IQSEC3: variants seen among roughly 807,000 people sequenced by gnomAD.
IQSEC3 encodes the protein IQ motif and Sec7 domain ArfGEF 3.
A neutral mutation model predicts 105.4 loss-of-function variants in IQSEC3; 50 were observed. That is an observed-to-expected ratio of 0.47 (90% CI 0.38 to 0.60). IQSEC3 has a LOEUF of 0.60. IQSEC3 is among the 20% of genes least tolerant of loss of function. The pLI is 0.00. For missense variants in IQSEC3, 1,415 were observed against 1,630.0 expected, an observed-to-expected ratio of 0.87 and a Z score of 2.27; for synonymous variants, 708 against 746.0, an observed-to-expected ratio of 0.95 and a Z score of 0.83.
rs2650215 is a variant in IQSEC3, at chr12:73,972, A to C, written c.554+6536A>C. Among the ~76,000 whole-genome samples, 723 of 152,306 alleles carry C rather than the reference A, an allele frequency of 4.7e-3. 2 individuals carry two copies. The highest frequency in any genetic ancestry group is 0.017 in the African/African-American group (686 of 41,508). On this transcript the variant is annotated intron_variant, in intron 1 of 13. Coordinates refer to ENST00000538872, the MANE Select transcript of IQSEC3 (RefSeq NM_001170738.2). The stretch of plus-strand genomic sequence containing the variant: ...AGCCCAACTAAAACCTCTTCTGTTG[A>C]ATTTTAAGATTATTTGCACTTCTCT...
chr12:95,204 A>G (rs374549322), intron 1 of IQSEC3, among the ~76,000 whole-genome samples: 5 of 152,354 alleles, frequency 3.3e-5, no homozygotes, highest in Admixed American at 1.3e-4. Context: ...GAACCACTGT[A>G]GGTAAATGAC....
chr12:151,868 C>G (rs4258434), intron 5 of IQSEC3, among the ~76,000 whole-genome samples: 27,765 of 152,012 alleles, frequency 0.18, 2,734 homozygotes, highest in African/African-American at 0.24. Flanking sequence ...TTCCTTTGGC[C>G]ACCTCCTACT....
rs782488416 is a variant in IQSEC3, at chr12:139,007, G to A, written c.1644G>A (p.Ala548=). ...CCCCCGCCGTGGGCCGGGAGGACGCGTCAGCCGAGGACTCATGCGCAGAGG... is the reference window on the plus strand; with the variant it reads ...CCCCCGCCGTGGGCCGGGAGGACGCATCAGCCGAGGACTCATGCGCAGAGG... ...PEAPAVGRED[A]SAEDSCAEAA... is the part of the protein sequence containing the mutation. Residue 548 remains alanine, a synonymous_variant, in exon 4 of 14, where the codon GCG becomes GCA. Transcript: ENST00000538872. 2.6e-6 allele frequency: 4 copies of A among 1,522,880 alleles called. No homozygotes were observed. Among genetic ancestry groups the A allele is most frequent in the Non-Finnish European group, 3.5e-6 (4 of 1,135,304 alleles). The allele number at this position is 1,522,880 out of a possible 1,614,324, so 94.3% of individuals were successfully genotyped here.
chr12:70,134 G>T (rs1182117231), intron 1 of IQSEC3, among the ~76,000 whole-genome samples: 3 of 152,272 alleles, frequency 2.0e-5, no homozygotes, highest in Non-Finnish European at 4.4e-5. Context: ...ACCCCACTGA[G>T]GTGGCTGAAG....
At chr12:119,852 G>A (rs1161154704) in intron 2 of IQSEC3, among the ~76,000 whole-genome samples, 1 of 152,166 alleles carries the variant, frequency 6.6e-6, no homozygotes, top group African/African-American at 2.4e-5. Flanking sequence ...AATCTTTGGT[G>A]GGGCTGATGG....
intron 2 of IQSEC3, among the ~76,000 whole-genome samples, chr12:118,196 C>T (rs1865109582): frequency 6.6e-6 from 1 of 152,194 alleles, no homozygotes; most frequent in Non-Finnish European, 1.5e-5. Flanking sequence ...CTCTCCACCA[C>T]CTTGGGCAGG....
rs879971337 is a variant in IQSEC3, at chr12:119,713, G to GTC, written c.624-5920_624-5919insTC. Among the ~76,000 whole-genome samples the GTC allele has an allele frequency of 7.0e-3, 1,070 of 152,290 alleles. 9 individuals carry two copies. Among genetic ancestry groups the GTC allele is most frequent in the East Asian group, 0.033 (169 of 5,180 alleles). On this transcript the variant is annotated intron_variant, in intron 2 of 13. Coordinates refer to ENST00000538872, the MANE Select transcript of IQSEC3 (RefSeq NM_001170738.2). The stretch of plus-strand genomic sequence containing the variant: ...CAGCAGCCTTGGCCAATCCCACGTG[G>GTC]CACATCAACCTCAGCCCATGTTGGG...
At chr12:171,209 G>C (rs1167285447) in intron 13 of IQSEC3, 48 bp downstream of exon 13, 1 of 1,613,926 alleles carries the variant, frequency 6.2e-7, no homozygotes, top group East Asian at 2.2e-5. Flanking sequence ...CTGCCCCCTT[G>C]TTCTTCTTCT....
chr12:119,949 C>T (rs1865165604), intron 2 of IQSEC3, among the ~76,000 whole-genome samples: 1 of 152,164 alleles, frequency 6.6e-6, no homozygotes, highest in Non-Finnish European at 1.5e-5. Context: ...TGGCACATCA[C>T]CAAGCCCAGC....
chr12:117,540 A>T (rs1865087423), intron 2 of IQSEC3, among the ~76,000 whole-genome samples: 1 of 152,052 alleles, frequency 6.6e-6, no homozygotes, highest in Admixed American at 6.5e-5. Context: ...ACATTCGCCC[A>T]TGGGGACAGT....
At chr12:114,287 A>G (rs982644033) in intron 2 of IQSEC3, among the ~76,000 whole-genome samples, 1 of 152,258 alleles carries the variant, frequency 6.6e-6, no homozygotes, top group African/African-American at 2.4e-5. Context: ...AGCCTCTGCT[A>G]TGGCAAGCAT....
At chr12:136,773 C>G (rs551454116) in intron 3 of IQSEC3, among the ~76,000 whole-genome samples, 134 of 151,708 alleles carry the variant, frequency 8.8e-4, no homozygotes, top group African/African-American at 2.5e-3. Context: ...GAGGGCTGAT[C>G]AGAGTCTAGG....
At chr12:116,769 C>T (rs551860865) in intron 2 of IQSEC3, among the ~76,000 whole-genome samples, 3 of 152,282 alleles carry the variant, frequency 2.0e-5, no homozygotes, top group Non-Finnish European at 2.9e-5. Context: ...GAGGCTCCCA[C>T]GAGGATGGCT....
At chr12:101,372 G>C (rs1864416445) in intron 2 of IQSEC3, among the ~76,000 whole-genome samples, 1 of 152,188 alleles carries the variant, frequency 6.6e-6, no homozygotes, top group Admixed American at 6.5e-5. Flanking sequence ...TATTTTCCAG[G>C]GTTTGAGGTG....
intron 13 of IQSEC3, among the ~76,000 whole-genome samples, chr12:173,949 G>A (rs1005235301): frequency 2.0e-5 from 3 of 152,242 alleles, no homozygotes; most frequent in Non-Finnish European, 4.4e-5. Context: ...AGCCAGGCAA[G>A]TTAACCAGGA....
chr12:77,178 T>G (rs1863565739), intron 1 of IQSEC3, among the ~76,000 whole-genome samples: 1 of 152,386 alleles, frequency 6.6e-6, no homozygotes, highest in South Asian at 2.1e-4. Context: ...TCCGACAGTC[T>G]TGATGCGACT....
rs1555099472 is a variant in IQSEC3, at chr12:169,067, C to G, written c.3026C>G (p.Ala1009Gly). 3.1e-6 allele frequency: 5 copies of G among 1,613,886 alleles called. No individual in the cohort carries two copies. The highest frequency in any genetic ancestry group is 4.2e-6 in the Non-Finnish European group (5 of 1,180,012). Residue 1009 changes from alanine (A) to glycine (G), a missense_variant, in exon 12 of 14, where the codon GCC becomes GGC. Ala to Gly is a moderately conservative substitution (Grantham distance 60, BLOSUM62 0). Transcript: ENST00000538872. The stretch of plus-strand genomic sequence containing the variant: ...ACACTCTCCTTCAAGCCCTGCGGAG[C>G]CCAGGGGGACCCACAGTCAAAGCAA... ...TKTLSFKPCG[A>G]QGDPQSKQGS...
intron 7 of IQSEC3, 75 bp downstream of exon 7, chr12:157,769 G>A: frequency 6.7e-7 from 1 of 1,491,644 alleles, no homozygotes; most frequent in Admixed American, 1.9e-5. Context: ...TGCATTCTGT[G>A]AGTCTGAGCC....
At chr12:171,272 G>C (rs190258470) in intron 13 of IQSEC3, 111 bp downstream of exon 13, 1 of 1,613,936 alleles carries the variant, frequency 6.2e-7, no homozygotes, top group Admixed American at 1.7e-5. Flanking sequence ...TCCCCAGCCC[G>C]ACTCACCATT....
Sources: gnomAD v4.1 joint callset for allele counts (sites outside exome capture counted in the v4.1 genomes callset) on GRCh38, gnomAD v4.1.1 for gene constraint, MANE v1.5 for transcripts, NCBI Gene and HGNC (gene_info 2026-07-23, HGNC 2026-07-21) for gene names.